OPHN1: variants seen among roughly 807,000 people sequenced by gnomAD.
OPHN1 encodes the protein oligophrenin-1.
A neutral mutation model predicts 60.7 loss-of-function variants in OPHN1; 11 were observed. That is an observed-to-expected ratio of 0.18 (90% CI 0.11 to 0.30). The LOEUF is 0.30. OPHN1 is among the 10% of genes least tolerant of loss of function. OPHN1 has a pLI of 1.00. For synonymous variants in OPHN1, 226 were observed against 222.6 expected (o/e 1.02, Z -0.14); for missense variants, 449 against 611.0 (o/e 0.73, Z 2.80).
chrX:68,377,290 G>C (rs2078564117), intron 2 of OPHN1, among the ~76,000 whole-genome samples: 1 of 108,731 alleles, frequency 9.2e-6, no homozygotes, highest in African/African-American at 3.3e-5. Context: ...TAAAGACAGG[G>C]TTTCACCACA....
chrX:68,370,756 G>A (rs768935390), intron 2 of OPHN1, among the ~76,000 whole-genome samples: 2 of 111,679 alleles, frequency 1.8e-5, no homozygotes, highest in Non-Finnish European at 3.8e-5. Context: ...GGACAGAGCT[G>A]TAAAAGAGTG....
Position 68,350,492 on chromosome X carries a change from C to T in OPHN1, c.155-51396G>A, listed in dbSNP as rs188048854. On this transcript the variant is annotated intron_variant, in intron 2 of 24. Coordinates refer to ENST00000355520, the MANE Select transcript of OPHN1 (RefSeq NM_002547.3). ...CCTTCCTCCCTCCCTCCCTTCCTCC[C>T]TTCCTCCTTTCCTTCCTTCCTCCCT... Among the ~76,000 whole-genome samples, 103 of 77,149 alleles carry T rather than the reference C, an allele frequency of 1.3e-3. 1 individual carries two copies. The highest frequency in any genetic ancestry group is 2.6e-3 in the African/African-American group (43 of 16,767). The allele number at this position is 77,149 out of a possible 115,157, so 67.0% of individuals were successfully genotyped here.
intron 7 of OPHN1, among the ~76,000 whole-genome samples, chrX:68,213,360 A>G (rs2077593466): frequency 1.8e-5 from 2 of 111,164 alleles, no homozygotes; most frequent in South Asian, 7.6e-4. Flanking sequence ...ACCCTGTCTC[A>G]AACAAATATA....
intron 15 of OPHN1, among the ~76,000 whole-genome samples, chrX:68,167,862 A>C (rs2077367478): frequency 9.0e-6 from 1 of 110,822 alleles, no homozygotes; most frequent in African/African-American, 3.3e-5. Flanking sequence ...TGAATGGATA[A>C]AGAAAATGTA....
At chrX:68,169,400 T>C (rs1258915024) in intron 15 of OPHN1, among the ~76,000 whole-genome samples, 3 of 104,629 alleles carry the variant, frequency 2.9e-5, no homozygotes, top group African/African-American at 6.9e-5. Flanking sequence ...AAGCTACCAA[T>C]GACTTTCTTC....
chrX:68,351,736 G>T (rs942391987), intron 2 of OPHN1, among the ~76,000 whole-genome samples: 4 of 111,403 alleles, frequency 3.6e-5, no homozygotes, highest in African/African-American at 1.3e-4. Flanking sequence ...TTGCTCTGTC[G>T]CCCAGGCGGG....
intron 16 of OPHN1, among the ~76,000 whole-genome samples, chrX:68,116,057 G>A (rs1432251120): frequency 6.3e-5 from 7 of 111,914 alleles, no homozygotes; most frequent in Non-Finnish European, 1.1e-4. Context: ...TCTGACGACC[G>A]GGATCAATGG....
At chrX:68,366,571 C>G (rs1219369042) in intron 2 of OPHN1, among the ~76,000 whole-genome samples, 1 of 111,089 alleles carries the variant, frequency 9.0e-6, no homozygotes, top group Non-Finnish European at 1.9e-5. Flanking sequence ...CCAGGCTGGT[C>G]TCAAACTCCC....
rs145653379 is a variant in OPHN1, at chrX:68,268,559, C to G, written c.384+6179G>C. On this transcript the variant is annotated intron_variant, in intron 5 of 24. Transcript: ENST00000355520. Reference sequence around the variant, plus strand: ...TCAACAACGCTTCATGCTAAAGACTCTCAATAAATTAGGCATTGATGGGAC... The same window carrying G: ...TCAACAACGCTTCATGCTAAAGACTGTCAATAAATTAGGCATTGATGGGAC... 7.9e-3 allele frequency among the ~76,000 whole-genome samples: 884 copies of G among 111,729 alleles called. 7 individuals are homozygous for G. The highest frequency in any genetic ancestry group is 0.027 in the African/African-American group (834 of 30,774).
intron 2 of OPHN1, among the ~76,000 whole-genome samples, chrX:68,340,241 A>T (rs1047753021): frequency 1.8e-4 from 20 of 112,298 alleles, no homozygotes; most frequent in Non-Finnish European, 3.4e-4. Context: ...AATTAAAGGG[A>T]CCAAAAATAG....
intron 15 of OPHN1, among the ~76,000 whole-genome samples, chrX:68,138,759 A>G (rs1344662312): frequency 1.8e-5 from 2 of 112,421 alleles, no homozygotes; most frequent in African/African-American, 6.5e-5. Flanking sequence ...TATGATCCAC[A>G]ATCTACAAAT....
At position 68,420,655 on chromosome X, in the gene OPHN1, C is replaced by T. The variant is rs770332967; in HGVS notation, c.154+12212G>A. ...ATCTTCTATTTTTATCAAGCTCCTA[C>T]TAGGCAAAGGCTAACCAGAAAAACT... is the stretch of plus-strand genomic sequence containing the variant. On this transcript the variant is annotated intron_variant, in intron 2 of 24. Transcript: ENST00000355520. Among the ~76,000 whole-genome samples the T allele has an allele frequency of 3.0e-4, 33 of 110,907 alleles. No individual in the cohort carries two copies. The East Asian group carries it at 3.1e-3, about 10-fold the overall frequency.
chrX:68,160,387 G>C (rs987710917), intron 15 of OPHN1, among the ~76,000 whole-genome samples: 5 of 111,136 alleles, frequency 4.5e-5, no homozygotes, highest in African/African-American at 1.6e-4. Context: ...GGCAGAAGAT[G>C]AATAGGAAAT....
At chrX:68,280,988 C>T (rs1477888650) in intron 4 of OPHN1, among the ~76,000 whole-genome samples, 5 of 111,549 alleles carry the variant, frequency 4.5e-5, no homozygotes, top group South Asian at 3.7e-4. Context: ...TAGGAAAAGT[C>T]AATATTTTTA....
intron 15 of OPHN1, among the ~76,000 whole-genome samples, chrX:68,173,469 C>T (rs1051068960): frequency 6.3e-5 from 7 of 111,334 alleles, no homozygotes; most frequent in African/African-American, 2.3e-4. Flanking sequence ...CCACAAGCAT[C>T]TGCCAGTATA....
At chrX:68,183,293 CA>C (rs1409309550) in intron 15 of OPHN1, among the ~76,000 whole-genome samples, 2 of 111,723 alleles carry the variant, frequency 1.8e-5, no homozygotes, top group African/African-American at 3.3e-5. Flanking sequence ...GGTTTGGCTT[CA>C]GAAGATACAA....
intron 3 of OPHN1, among the ~76,000 whole-genome samples, chrX:68,283,448 T>C (rs1442634700): frequency 8.9e-6 from 1 of 111,914 alleles, no homozygotes; most frequent in Non-Finnish European, 1.9e-5. Context: ...TTGGCAGCTA[T>C]AGAACCCTGA....
At chrX:68,251,432 C>A (rs1169044042) in intron 5 of OPHN1, among the ~76,000 whole-genome samples, 2 of 109,542 alleles carry the variant, frequency 1.8e-5, no homozygotes, top group African/African-American at 6.7e-5. Context: ...GATCCACCTG[C>A]CTTGGCCTCC....
At position 68,107,297 on chromosome X, in the gene OPHN1, A is replaced by G. The variant is rs1485731277; in HGVS notation, c.1526+4557T>C. ...CTTTAGTCTCTTTATGTAGAACAGT[A>G]CCTCTACCACTTTTTCCCACAACAT... On this transcript the variant is annotated intron_variant, in intron 18 of 24. Transcript: ENST00000355520. Among the ~76,000 whole-genome samples, 3 of 111,270 alleles carry G rather than the reference A, an allele frequency of 2.7e-5. No individual in the cohort carries two copies. The East Asian group carries it at 8.5e-4, about 32-fold the overall frequency.
Sources: allele counts gnomAD v4.1 joint callset (sites outside exome capture counted in the v4.1 genomes callset), GRCh38; gene constraint gnomAD v4.1.1; transcripts MANE v1.5; gene names NCBI Gene and HGNC (gene_info 2026-07-23, HGNC 2026-07-21).